MAP2K4: variants seen among roughly 807,000 people sequenced by gnomAD.
MAP2K4 encodes the protein mitogen-activated protein kinase kinase 4.
A neutral mutation model predicts 48.5 loss-of-function variants in MAP2K4; 4 were observed. That is an observed-to-expected ratio of 0.08 (90% confidence interval 0.04 to 0.19). The LOEUF is 0.19. MAP2K4 is among the 10% of genes least tolerant of loss of function. MAP2K4 has a pLI of 1.00. For missense variants in MAP2K4, 258 were observed against 493.3 expected, an observed-to-expected ratio of 0.52 and a Z score of 4.52; for synonymous variants, 166 against 173.1, an observed-to-expected ratio of 0.96 and a Z score of 0.32.
chr17:12,107,488 A>G (rs574885197), intron 4 of MAP2K4, among the ~76,000 whole-genome samples: 2 of 111,278 alleles, frequency 1.8e-5, no homozygotes, highest in African/African-American at 7.1e-5. Flanking sequence ...CACATTTCCT[A>G]TTTTTTTTTC....
At chr17:12,075,416 T>A (rs914069496) in intron 2 of MAP2K4, among the ~76,000 whole-genome samples, 28 of 152,178 alleles carry the variant, frequency 1.8e-4, no homozygotes, top group African/African-American at 6.0e-4. Context: ...CTGAATTTTT[T>A]AAAAATGTAA....
chr17:12,070,662 A>C (rs1970772474), intron 2 of MAP2K4, among the ~76,000 whole-genome samples: 4 of 152,236 alleles, frequency 2.6e-5, no homozygotes, highest in African/African-American at 9.6e-5. Context: ...TCATGTAGTC[A>C]GCAAACTACA....
At chr17:12,067,645 A>G (rs1182720649) in intron 2 of MAP2K4, among the ~76,000 whole-genome samples, 1 of 152,200 alleles carries the variant, frequency 6.6e-6, no homozygotes, top group African/African-American at 2.4e-5. Context: ...AATTTGGGGA[A>G]TGGCTATAGG....
chr17:12,053,425 A>G (rs1467423633), intron 1 of MAP2K4, among the ~76,000 whole-genome samples: 2 of 148,574 alleles, frequency 1.3e-5, no homozygotes, highest in Non-Finnish European at 3.0e-5. Context: ...CTTTTTTTCT[A>G]TTTTTCTTGA....
intron 1 of MAP2K4, among the ~76,000 whole-genome samples, chr17:12,054,156 A>G (rs1370728631): frequency 6.6e-6 from 1 of 152,232 alleles, no homozygotes. Flanking sequence ...CTATCTATGT[A>G]TAGAAAAAAG....
At chr17:12,106,091 C>T (rs1186832515) in intron 4 of MAP2K4, among the ~76,000 whole-genome samples, 1 of 152,068 alleles carries the variant, frequency 6.6e-6, no homozygotes, top group Non-Finnish European at 1.5e-5. Flanking sequence ...TGGATAATGT[C>T]AGGCTTTTCA....
intron 2 of MAP2K4, among the ~76,000 whole-genome samples, chr17:12,073,720 G>A (rs1184874146): frequency 1.3e-5 from 2 of 151,590 alleles, no homozygotes; most frequent in Non-Finnish European, 2.9e-5. Context: ...CATCACCATA[G>A]TCAAGTTAAC....
intron 2 of MAP2K4, among the ~76,000 whole-genome samples, chr17:12,072,258 G>C (rs921651840): frequency 2.0e-5 from 3 of 152,168 alleles, no homozygotes; most frequent in African/African-American, 7.2e-5. Flanking sequence ...CTGTAGATCA[G>C]GAGTTTGGAA....
intron 8 of MAP2K4, among the ~76,000 whole-genome samples, chr17:12,125,873 G>T (rs549613019): frequency 1.3e-5 from 2 of 152,308 alleles, no homozygotes; most frequent in South Asian, 4.1e-4. Flanking sequence ...AAGTAATTCA[G>T]TTTTTGAGGG....
intron 7 of MAP2K4, among the ~76,000 whole-genome samples, chr17:12,118,864 A>G (rs945516422): frequency 1.3e-5 from 2 of 152,222 alleles, no homozygotes; most frequent in Non-Finnish European, 2.9e-5. Context: ...GCCTGTGACT[A>G]TTCAGTGATG....
Position 12,115,652 on chromosome 17 carries a change from C to G in MAP2K4, c.813+2292C>G, listed in dbSNP as rs1972467449. 4 of 753,058 alleles carry G rather than the reference C, an allele frequency of 5.3e-6. No individual in the cohort carries two copies. The African/African-American group carries it at 6.8e-5, about 13-fold the overall frequency. 46.6% of individuals were successfully genotyped at this position (753,058 alleles called of 1,614,324 possible). The stretch of plus-strand genomic sequence containing the variant: ...ACAATTGGTGGTTAACGCTTATTAA[C>G]ACAGCAAAGTGAACCAGTGGAACAC... On this transcript the variant is annotated intron_variant, in intron 7 of 10. Coordinates refer to ENST00000353533, the MANE Select transcript of MAP2K4 (RefSeq NM_003010.4).
chr17:12,089,515 G>A (rs918482972), intron 3 of MAP2K4, among the ~76,000 whole-genome samples: 9 of 152,122 alleles, frequency 5.9e-5, no homozygotes, highest in Non-Finnish European at 1.0e-4. Context: ...GATTGAATTC[G>A]TTACCTTGCT....
chr17:12,081,510 G>C lies in MAP2K4; in HGVS notation c.373G>C (p.Gly125Arg). Residue 125 changes from glycine to arginine, a missense_variant, in exon 3 of 11, where the codon GGG (glycine) becomes CGG (arginine). Gly to Arg is a moderately radical substitution (Grantham distance 125). This residue lies in a region of MAP2K4 where 132 missense variants were observed against 352.8 expected (regional missense o/e 0.37). Transcript: ENST00000353533. The surrounding 1 kb of genome is among the most constrained non-coding windows in gnomAD (Gnocchi z 4.2). ...CAACAAAATGGTCCACAAACCAAGT[G>C]GGCAAATAATGGCAGTTAAAGTAGG... ...SVNKMVHKPS[G>R]QIMAVKRIRS... is the part of the protein sequence containing the mutation. 6.2e-7 allele frequency: 1 copy of C among 1,613,732 alleles called. No homozygotes were observed. The highest frequency in any genetic ancestry group is 8.5e-7 in the Non-Finnish European group (1 of 1,179,940).
chr17:12,103,384 A>AT (rs1368955032), intron 4 of MAP2K4, among the ~76,000 whole-genome samples: 2 of 150,672 alleles, frequency 1.3e-5, no homozygotes, highest in African/African-American at 2.4e-5. Flanking sequence ...TTCTATTATT[A>AT]TTTTTTTTGA....
At chr17:12,058,076 C>T (rs192584685) in intron 2 of MAP2K4, among the ~76,000 whole-genome samples, 1 of 151,842 alleles carries the variant, frequency 6.6e-6, no homozygotes, top group African/African-American at 2.4e-5. Context: ...AGCTCTTAGG[C>T]CAGGAATATT....
chr17:12,124,218 C>A (rs1189121001), intron 7 of MAP2K4: 2 of 152,196 alleles, frequency 1.3e-5, no homozygotes, highest in Non-Finnish European at 2.9e-5. Flanking sequence ...CTGGGCATTT[C>A]TTTCAACAGC....
chr17:12,060,155 G>A (rs1284062538), intron 2 of MAP2K4, among the ~76,000 whole-genome samples: 2 of 151,268 alleles, frequency 1.3e-5, no homozygotes, highest in Admixed American at 1.3e-4. Flanking sequence ...TAAGAGTTGA[G>A]ACTCTGTCTC....
intron 7 of MAP2K4, 163 bp from the exon 8 acceptor site, chr17:12,125,131 T>C: frequency 1.7e-6 from 1 of 595,728 alleles, no homozygotes; most frequent in South Asian, 2.1e-5. Context: ...TTGTTGTTTG[T>C]TTTTATGATA....
intron 4 of MAP2K4, among the ~76,000 whole-genome samples, chr17:12,103,639 A>T (rs1972013443): frequency 6.6e-6 from 1 of 152,008 alleles, no homozygotes; most frequent in South Asian, 2.1e-4. Flanking sequence ...TCCAGATCTC[A>T]TCACTACCCT....
Sources: gnomAD v4.1 joint callset for allele counts (sites outside exome capture counted in the v4.1 genomes callset) on GRCh38, gnomAD v4.1.1 for gene constraint, gnomAD v4.1.1 regional missense constraint, Gnocchi (gnomAD v3.1) non-coding constraint, MANE v1.5 for transcripts, NCBI Gene and HGNC (gene_info 2026-07-23, HGNC 2026-07-21) for gene names.